The following RNF10 variants were observed in gnomAD, a reference collection of about 807,000 sequenced individuals.
RNF10 encodes E3 ubiquitin-protein ligase RNF10.
In RNF10, 38 loss-of-function variants were observed where a neutral mutation model predicts 91.4. The observed-to-expected ratio is 0.42, with a 90% CI of 0.32 to 0.54. The LOEUF (loss-of-function observed/expected upper bound fraction) is 0.54, where lower values mean the gene tolerates loss of function less well. Among genes scored for constraint, RNF10 ranks in the 20% least tolerant of loss-of-function variants. The pLI is 0.16. For missense variants in RNF10, 945 were observed against 1,012.0 expected (o/e 0.93, Z 0.90); for synonymous variants, 364 against 366.3 (o/e 0.99, Z 0.07).
At position 120,534,583 on chromosome 12, in the gene RNF10, C is replaced by G; in HGVS notation, c.-229C>G. The stretch of plus-strand genomic sequence containing the variant: ...CCCCGCCAGGCCCGGCCCGGACTCC[C>G]GAGCCCCGGCCTCCTCGTCCTCGGT... On this transcript the variant is annotated 5_prime_UTR_variant, in exon 1 of 17. Coordinates refer to ENST00000325954, the MANE Select transcript of RNF10 (RefSeq NM_014868.5). The G allele has an allele frequency of 9.6e-7, 1 of 1,040,796 alleles. No individual in the cohort carries two copies. The highest frequency in any genetic ancestry group is 1.3e-6 in the Non-Finnish European group (1 of 799,970). 64.5% of individuals were successfully genotyped at this position (1,040,796 alleles called of 1,614,324 possible). A position where few individuals can be genotyped will look rare whatever the true frequency, so the allele number is the denominator to read the frequency against.
chr12:120,567,749 T>G (rs908732897), intron 13 of RNF10, among the ~76,000 whole-genome samples: 1 of 151,476 alleles, frequency 6.6e-6, no homozygotes, highest in Admixed American at 6.6e-5. Flanking sequence ...AATGTAATTC[T>G]TCTATTCACG....
At chr12:120,535,784 A>G (rs1052824349) in intron 1 of RNF10, among the ~76,000 whole-genome samples, 7 of 152,158 alleles carry the variant, frequency 4.6e-5, no homozygotes, top group African/African-American at 1.4e-4. Context: ...GATAATAGCT[A>G]CCTTTAATTG....
At chr12:120,569,650 T>C (rs577148922) in intron 13 of RNF10, among the ~76,000 whole-genome samples, 1 of 151,498 alleles carries the variant, frequency 6.6e-6, no homozygotes, top group African/African-American at 2.4e-5. Flanking sequence ...GCAATTCTTG[T>C]GCCTCAGCCT....
Position 120,576,786 on chromosome 12 carries a change from G to A in RNF10, c.*120G>A, listed in dbSNP as rs1877455064. 7.2e-7 allele frequency: 1 copy of A among 1,394,090 alleles called. No individual in the cohort carries two copies. The allele number at this position is 1,394,090 out of a possible 1,614,324, so 86.4% of individuals were successfully genotyped here. On this transcript the variant is annotated 3_prime_UTR_variant, in exon 17 of 17. Coordinates refer to ENST00000325954, the MANE Select transcript of RNF10 (RefSeq NM_014868.5). Reference sequence around the variant, plus strand: ...GAGTTTGAACAGATTAGCTCTGGGGGGAGGGGGTTTCCACAATGTGAGGGG... The same window carrying A: ...GAGTTTGAACAGATTAGCTCTGGGGAGAGGGGGTTTCCACAATGTGAGGGG...
At chr12:120,561,635 A>G (rs1308815692) in intron 7 of RNF10, among the ~76,000 whole-genome samples, 1 of 152,236 alleles carries the variant, frequency 6.6e-6, no homozygotes, top group Non-Finnish European at 1.5e-5. Flanking sequence ...TGTGGTAGAT[A>G]GAACTATCCC....
intron 1 of RNF10, among the ~76,000 whole-genome samples, chr12:120,538,067 G>A (rs1871093065): frequency 6.6e-6 from 1 of 152,142 alleles, no homozygotes; most frequent in Non-Finnish European, 1.5e-5. Context: ...AAAGATTTCT[G>A]CAGTATCTCA....
Position 120,551,290 on chromosome 12 carries a change from G to GTTTTTT in RNF10, c.355-1192_355-1187dup, listed in dbSNP as rs63002361. ...TGTGAGCCACTGCGCCCATCCTAGT[G>GTTTTTT]TTTTTTTTTTTTTTTTTTTTTTGAA... On this transcript the variant is annotated intron_variant, in intron 2 of 16. Transcript: ENST00000325954. Among the ~76,000 whole-genome samples the GTTTTTT allele has an allele frequency of 2.8e-4, 23 of 83,198 alleles. 1 individual carries two copies. Among genetic ancestry groups the GTTTTTT allele is most frequent in the African/African-American group, 4.3e-4 (9 of 21,078 alleles). 54.6% of individuals were successfully genotyped at this position (83,198 alleles called of 152,430 possible).
rs779856247 is a variant in RNF10 at position 120,552,644 on chromosome 12, A to G, written c.500A>G (p.Lys167Arg). The G allele has an allele frequency of 9.9e-6, 16 of 1,614,130 alleles. No individual in the cohort carries two copies. The highest frequency in any genetic ancestry group is 1.4e-5 in the Non-Finnish European group (16 of 1,179,990). The change falls in exon 3 of 17, where the codon AAG (lysine) becomes AGG (arginine). Residue 167 changes from lysine (K) to arginine (R), a missense_variant. Physicochemically the swap from Lys to Arg is conservative, Grantham distance 26 (BLOSUM62 2). Transcript: ENST00000325954. ...GGCAGTGGACATGGTAGCTGGGGAA[A>G]GAGGAACAAGTGGGGACATAAGCCT... ...FEGSGHGSWG[K>R]RNKWGHKPFN... is the part of the protein sequence containing the mutation.
Position 120,560,710 on chromosome 12 carries a change from G to A in RNF10, c.968-16G>A. ...TTGAATGTTGCATTTCTTTGATCTT[G>A]CTGGCATTCTTATAGATGAACAGCA... On this transcript the variant is annotated splice_polypyrimidine_tract_variant and intron_variant, in intron 6 of 16. Coordinates refer to ENST00000325954, the MANE Select transcript of RNF10 (RefSeq NM_014868.5). 1 of 1,603,684 alleles carries A rather than the reference G, an allele frequency of 6.2e-7. No individual in the cohort carries two copies. The highest frequency in any genetic ancestry group is 8.5e-7 in the Non-Finnish European group (1 of 1,171,968).
Position 120,566,940 on chromosome 12 carries a change from C to T in RNF10, c.2001C>T (p.Leu667=). The part of the protein sequence containing the change: ...GPTSTEGHGA[L]SISPLSRSPG... ...CCAGCACCGAGGGCCATGGGGCCCT[C>T]TCCATTTCTCCTCTCAGCAGAAGTC... The change falls in exon 13 of 17, where the codon CTC becomes CTT. Residue 667 remains leucine, a synonymous_variant. Transcript: ENST00000325954. The T allele has an allele frequency of 6.2e-7, 1 of 1,610,902 alleles. No homozygotes were observed. The highest frequency in any genetic ancestry group is 8.5e-7 in the Non-Finnish European group (1 of 1,179,228).
chr12:120,572,968 G>C (rs571768591), intron 14 of RNF10, among the ~76,000 whole-genome samples: 45 of 111,006 alleles, frequency 4.1e-4, no homozygotes, highest in Admixed American at 1.2e-3. Flanking sequence ...ACTTTATTTT[G>C]AAATACAGAG....
chr12:120,561,889 T>A (rs1339254532), intron 7 of RNF10, among the ~76,000 whole-genome samples: 1 of 152,230 alleles, frequency 6.6e-6, no homozygotes, highest in Non-Finnish European at 1.5e-5. Context: ...AAATCCTTCC[T>A]ACTACTCTGG....
chr12:120,558,481 AT>A (rs1341466095), intron 6 of RNF10, among the ~76,000 whole-genome samples: 1 of 151,320 alleles, frequency 6.6e-6, no homozygotes, highest in Non-Finnish European at 1.5e-5. Flanking sequence ...ATATGGGTGG[AT>A]TTTTGAACCA....
At chr12:120,550,053 G>A (rs1191801794) in intron 2 of RNF10, among the ~76,000 whole-genome samples, 1 of 152,166 alleles carries the variant, frequency 6.6e-6, no homozygotes, top group Non-Finnish European at 1.5e-5. Context: ...CAAGCCATGT[G>A]TGTAATCATA....
intron 1 of RNF10, among the ~76,000 whole-genome samples, chr12:120,544,376 G>T (rs1172117410): frequency 2.1e-5 from 3 of 142,264 alleles, no homozygotes; most frequent in Non-Finnish European, 3.1e-5. Context: ...AAAAAAAATT[G>T]GCTGGGAGTG....
intron 13 of RNF10, among the ~76,000 whole-genome samples, chr12:120,569,761 C>A (rs953478759): frequency 2.0e-5 from 3 of 152,020 alleles, no homozygotes; most frequent in Non-Finnish European, 2.9e-5. Flanking sequence ...TGGTCTCAAA[C>A]TCATGGCTTC....
intron 12 of RNF10, 139 bp downstream of exon 12, chr12:120,565,668 A>G: frequency 1.5e-6 from 1 of 677,074 alleles, no homozygotes; most frequent in South Asian, 1.8e-5. Flanking sequence ...CACCTCCTTA[A>G]TAGGCTTGCT....
At chr12:120,545,077 C>G (rs533686651) in intron 1 of RNF10, among the ~76,000 whole-genome samples, 2 of 152,342 alleles carry the variant, frequency 1.3e-5, no homozygotes, top group South Asian at 4.1e-4. Flanking sequence ...AAGGAAAACA[C>G]TGTTAATGAG....
chr12:120,569,701 C>T (rs1406427499), intron 13 of RNF10, among the ~76,000 whole-genome samples: 1 of 151,660 alleles, frequency 6.6e-6, no homozygotes, highest in African/African-American at 2.4e-5. Context: ...CCATACCCTG[C>T]TAATTTTTGT....
Sources: gnomAD v4.1 joint callset for allele counts (sites outside exome capture counted in the v4.1 genomes callset) on GRCh38, gnomAD v4.1.1 for gene constraint, MANE v1.5 for transcripts, NCBI Gene and HGNC (gene_info 2026-07-23, HGNC 2026-07-21) for gene names.